EXTL1: variants seen among roughly 807,000 people sequenced by gnomAD.
EXTL1 encodes the protein exostosin like glycosyltransferase 1.
A neutral mutation model predicts 64.6 loss-of-function variants in EXTL1; 43 were observed. The ratio of observed to expected loss-of-function variants is 0.67; its 90% CI spans 0.52 to 0.86. The LOEUF (loss-of-function observed/expected upper bound fraction) is 0.86, where lower values mean the gene tolerates loss of function less well. Among genes scored for constraint, EXTL1 ranks in the 40% least tolerant of loss-of-function variants. The pLI, the probability that EXTL1 is intolerant of heterozygous loss-of-function variation, is 0.00. For synonymous variants in EXTL1, 352 were observed against 360.5 expected, an observed-to-expected ratio of 0.98 and a Z score of 0.27; for missense variants, 766 against 879.0, an observed-to-expected ratio of 0.87 and a Z score of 1.62.
Position 26,033,956 on chromosome 1 carries a change from GGT to G in EXTL1, c.1679+101_1679+102del. The G allele has an allele frequency of 9.1e-7, 1 of 1,093,118 alleles. No homozygotes were observed. The highest frequency in any genetic ancestry group is 2.0e-5 in the South Asian group (1 of 49,470). The allele number at this position is 1,093,118 out of a possible 1,614,324, so 67.7% of individuals were successfully genotyped here. ...GAGTGGCCTAGACCCCAGGGATCCA[GGT>G]TCAAGGCCGAGATCTGCCACTTCCC... On this transcript the variant is annotated intron_variant, in intron 9 of 10. Transcript: ENST00000374280. This position sits in a 1 kb window ranked among gnomAD's most constrained non-coding sequence, Gnocchi z 5.1.
chr1:26,031,074 G>A (rs1338603775), intron 4 of EXTL1, 58 bp from the exon 5 acceptor site: 1 of 1,608,946 alleles, frequency 6.2e-7, no homozygotes, highest in Non-Finnish European at 8.5e-7. Context: ...CCTGGAAGGG[G>A]AGGTGTGGCC....
At chr1:26,031,628 C>T in intron 6 of EXTL1, 62 bp downstream of exon 6, 1 of 1,029,578 alleles carries the variant, frequency 9.7e-7, no homozygotes. Context: ...CAGGGCAGGG[C>T]CCTGATGACT....
chr1:26,031,364 A>G (rs2802321), intron 5 of EXTL1, 96 bp from the exon 6 acceptor site: 1,474,225 of 1,481,602 alleles, frequency 1, 733,695 homozygotes, highest in East Asian at 1. Context: ...TCCAAGCCCT[A>G]ACATTTTTCC....
intron 5 of EXTL1, 63 bp from the exon 6 acceptor site, chr1:26,031,397 C>G: frequency 7.3e-7 from 1 of 1,364,836 alleles, no homozygotes; most frequent in South Asian, 1.3e-5. Flanking sequence ...ATTCCCTACT[C>G]AGGTCATTCT....
chr1:26,033,370 C>T lies in EXTL1; in HGVS notation c.1518+55C>T. 6.8e-7 allele frequency: 1 copy of T among 1,463,960 alleles called. No homozygotes were observed. The highest frequency in any genetic ancestry group is 9.6e-7 in the Non-Finnish European group (1 of 1,044,194). The allele number at this position is 1,463,960 out of a possible 1,614,324, so 90.7% of individuals were successfully genotyped here. ...GTGGGTAGACACAGAGCCAGAGGGC[C>T]CTGGCAGCCCCTCAGGTTCCCAGGG... On this transcript the variant is annotated intron_variant, in intron 8 of 10. Transcript: ENST00000374280. The surrounding 1 kb of genome is among the most constrained non-coding windows in gnomAD (Gnocchi z 5.1).
At chr1:26,024,856 T>C (rs2050197831) in intron 1 of EXTL1, among the ~76,000 whole-genome samples, 1 of 152,210 alleles carries the variant, frequency 6.6e-6, no homozygotes, top group South Asian at 2.1e-4. Context: ...AGTTCATTAT[T>C]GATGAACCTG....
In EXTL1 at chr1:26,033,139, G is replaced by A. The variant is rs570757870; in HGVS notation, c.1432-90G>A. Reference sequence around the variant, plus strand: ...GGGAGGCTTTATTCATGGCTCAGGCGTCTACACTGTGCCTGAATGGCTCCT... The same window carrying A: ...GGGAGGCTTTATTCATGGCTCAGGCATCTACACTGTGCCTGAATGGCTCCT... On this transcript the variant is annotated intron_variant, in intron 7 of 10. Transcript: ENST00000374280. This position sits in a 1 kb window ranked among gnomAD's most constrained non-coding sequence, Gnocchi z 5.1. 810 of 914,870 alleles carry A rather than the reference G, an allele frequency of 8.9e-4. 11 individuals carry two copies. Among genetic ancestry groups the A allele is most frequent in the South Asian group, 8.6e-3 (647 of 75,218 alleles). The allele number at this position is 914,870 out of a possible 1,614,324, so 56.7% of individuals were successfully genotyped here.
In EXTL1 at chr1:26,031,530, C is replaced by T. The variant is rs2050286873; in HGVS notation, c.1305C>T (p.Leu435=). The change falls in exon 6 of 11, where the codon CTC becomes CTT. Residue 435 remains leucine, a synonymous_variant. Transcript: ENST00000374280. ...CCCCAGGCCAGCCCCCTCTGAAGCT[C>T]ATCCAGGCGGTGGCAGGCTCCCAGC... ...VGPPGQPPLK[L]IQAVAGSQHC... 1.2e-6 allele frequency: 2 copies of T among 1,601,716 alleles called. No individual in the cohort carries two copies. The highest frequency in any genetic ancestry group is 3.4e-5 in the Admixed American group (2 of 58,676).
chr1:26,035,206 A>G lies in EXTL1; in HGVS notation c.1890A>G (p.Pro630=). 1 of 1,612,126 alleles carries G rather than the reference A, an allele frequency of 6.2e-7. No homozygotes were observed. ...GPGPRPKPPA[P]APDCINQIAA... ...GGCCCAGGCCAAAGCCGCCTGCCCCAGCCCCCGACTGCATCAACCAGATAG... is the reference window on the plus strand; with the variant it reads ...GGCCCAGGCCAAAGCCGCCTGCCCCGGCCCCCGACTGCATCAACCAGATAG... Residue 630 remains proline (P), a synonymous_variant, in exon 11 of 11, where the codon CCA becomes CCG. Transcript: ENST00000374280. The surrounding 1 kb of genome is among the most constrained non-coding windows in gnomAD (Gnocchi z 5.3).
rs111621663 is a variant in EXTL1, at chr1:26,032,845, G to A, written c.1431+360G>A. Among the ~76,000 whole-genome samples, 47 of 152,268 alleles carry A rather than the reference G, an allele frequency of 3.1e-4. 1 individual carries two copies. Among genetic ancestry groups the A allele is most frequent in the African/African-American group, 9.4e-4 (39 of 41,564 alleles). ...GGTTGGTGTGAACCACCTGCCTGCC[G>A]CATGGTTGTGGGCAAGTCCCTTCGT... On this transcript the variant is annotated intron_variant, in intron 7 of 10. Transcript: ENST00000374280.
At position 26,025,515 on chromosome 1, in the gene EXTL1, T is replaced by C. The variant is rs1466685655; in HGVS notation, c.779+2090T>C. Among the ~76,000 whole-genome samples the C allele has an allele frequency of 6.6e-6, 1 of 152,194 alleles. No individual in the cohort carries two copies. Among genetic ancestry groups the C allele is most frequent in the African/African-American group, 2.4e-5 (1 of 41,448 alleles). On this transcript the variant is annotated intron_variant, in intron 1 of 10. Coordinates refer to ENST00000374280, the MANE Select transcript of EXTL1 (RefSeq NM_004455.3). The surrounding 1 kb of genome is among the most constrained non-coding windows in gnomAD (Gnocchi z 5.3). ...GCCCCTCACTTTTCTAATCAGGCGC[T>C]TGGAAGCAGTGGAGTTGGGATTCAA...
chr1:26,023,683 T>G (rs1264624220), intron 1 of EXTL1, among the ~76,000 whole-genome samples: 1 of 152,228 alleles, frequency 6.6e-6, no homozygotes, highest in Non-Finnish European at 1.5e-5. Context: ...AAAACACGAC[T>G]CATTCCAAAC....
chr1:26,030,501 C>A lies in EXTL1; in HGVS notation c.1007C>A (p.Ser336Tyr). 1.9e-6 allele frequency: 3 copies of A among 1,613,132 alleles called. No individual in the cohort carries two copies. Among genetic ancestry groups the A allele is most frequent in the Non-Finnish European group, 1.7e-6 (2 of 1,179,922 alleles). Reference protein sequence around the residue: ...LQVLAALQEMSPARVLALRQQ... With the variant: ...LQVLAALQEMYPARVLALRQQ... Reference sequence around the variant, plus strand: ...GTCCTGGCTGCCCTCCAGGAGATGTCCCCTGCACGGGTCCTCGCCCTGCGT... The same window carrying A: ...GTCCTGGCTGCCCTCCAGGAGATGTACCCTGCACGGGTCCTCGCCCTGCGT... The change falls in exon 4 of 11, where the codon TCC becomes TAC. Residue 336 changes from serine to tyrosine, a missense_variant. Physicochemically the swap from Ser to Tyr is moderately radical, Grantham distance 144 (BLOSUM62 -2). This residue lies in a region of EXTL1 where 571 missense variants were observed against 647.6 expected (regional missense o/e 0.88). Transcript: ENST00000374280.
rs766406960 is a variant in EXTL1, at chr1:26,034,851, C to T, written c.1695C>T (p.Leu565=). Residue 565 remains leucine (L), a synonymous_variant, in exon 10 of 11, where the codon CTC becomes CTT. Coordinates refer to ENST00000374280, the MANE Select transcript of EXTL1 (RefSeq NM_004455.3). The surrounding 1 kb of genome is among the most constrained non-coding windows in gnomAD (Gnocchi z 4.6). ...TCTTGCCCAGGTATTACCACACTCTCTTCACCCACTCCCTGCCCAAGGCTC... is the reference window on the plus strand; with the variant it reads ...TCTTGCCCAGGTATTACCACACTCTTTTCACCCACTCCCTGCCCAAGGCTC... ...AAFYHRYYHT[L]FTHSLPKALR... The T allele has an allele frequency of 9.3e-6, 15 of 1,614,034 alleles. No homozygotes were observed. The highest frequency in any genetic ancestry group is 1.6e-4 in the Middle Eastern group (1 of 6,062).
rs2050268071 is a variant in EXTL1, at chr1:26,030,329, T to TC, written c.982-146dup. ...CAACTCTGTGTGACCCCTGAATGCT[T>TC]CTTTTTTTTTTTTTTTTTTTTGAGA... is the stretch of plus-strand genomic sequence containing the variant. On this transcript the variant is annotated intron_variant, in intron 3 of 10. Coordinates refer to ENST00000374280, the MANE Select transcript of EXTL1 (RefSeq NM_004455.3). 1.9e-5 allele frequency: 13 copies of TC among 699,566 alleles called. No individual in the cohort carries two copies. The South Asian group carries it at 3.0e-4, about 16-fold the overall frequency. 43.3% of individuals were successfully genotyped at this position (699,566 alleles called of 1,614,324 possible). A position where few individuals can be genotyped will look rare whatever the true frequency, so the allele number is the denominator to read the frequency against.
In EXTL1 at chr1:26,027,908, G is replaced by A. The variant is rs150733040; in HGVS notation, c.780-1285G>A. ...ACAAGGCAGGGAGGGGCCCTCCAACGTGAGGGAGAAGGGATCTTAAAGGCA... is the reference window on the plus strand; with the variant it reads ...ACAAGGCAGGGAGGGGCCCTCCAACATGAGGGAGAAGGGATCTTAAAGGCA... On this transcript the variant is annotated intron_variant, in intron 1 of 10. Transcript: ENST00000374280. Among the ~76,000 whole-genome samples, 245 of 152,274 alleles carry A rather than the reference G, an allele frequency of 1.6e-3. 1 individual carries two copies. The highest frequency in any genetic ancestry group is 6.8e-3 in the Middle Eastern group (2 of 294).
Position 26,032,440 on chromosome 1 carries a change from G to T in EXTL1, c.1386G>T (p.Trp462Cys). The T allele has an allele frequency of 6.4e-7, 1 of 1,555,178 alleles. No homozygotes were observed. Among genetic ancestry groups the T allele is most frequent in the Non-Finnish European group, 8.7e-7 (1 of 1,148,858 alleles). The change falls in exon 7 of 11, where the codon TGG (tryptophan) becomes TGT (cysteine). Residue 462 changes from tryptophan (W) to cysteine (C), a missense_variant. Transcript: ENST00000374280. ...WSNERPLPSR[W>C]PETAVPLTVI... ...ATGAGAGGCCACTCCCATCCAGGTG[G>T]CCGGAGACAGCTGTGCCCTTGACAG...
In EXTL1 at chr1:26,033,842, C is replaced by T. The variant is rs377261722; in HGVS notation, c.1665C>T (p.Ala555=). ...AATTCTCCATGGTTCTCACCACAGC[C>T]GCCTTCTACCATAGGTACAGACCCC... is the stretch of plus-strand genomic sequence containing the variant. ...TNEFSMVLTT[A]AFYHRYYHTL... is the part of the protein sequence containing the mutation. Residue 555 remains alanine, a synonymous_variant, in exon 9 of 11, where the codon GCC becomes GCT. Coordinates refer to ENST00000374280, the MANE Select transcript of EXTL1 (RefSeq NM_004455.3). The surrounding 1 kb of genome is among the most constrained non-coding windows in gnomAD (Gnocchi z 5.1). 35 of 1,613,768 alleles carry T rather than the reference C, an allele frequency of 2.2e-5. No individual in the cohort carries two copies. In the Middle Eastern group the frequency reaches 5.0e-4, roughly 23 times the overall value.
Position 26,034,932 on chromosome 1 carries a change from A to T in EXTL1, c.1776A>T (p.Ile592=), listed in dbSNP as rs1444833234. 2 of 1,614,200 alleles carry T rather than the reference A, an allele frequency of 1.2e-6. No homozygotes were observed. Among genetic ancestry groups the T allele is most frequent in the Non-Finnish European group, 1.7e-6 (2 of 1,180,020 alleles). Residue 592 remains isoleucine, a synonymous_variant, in exon 10 of 11, where the codon ATA becomes ATT. Coordinates refer to ENST00000374280, the MANE Select transcript of EXTL1 (RefSeq NM_004455.3). This position sits in a 1 kb window ranked among gnomAD's most constrained non-coding sequence, Gnocchi z 4.6. ...PTCVDVLMNF[I]VAAVTKLPPI... ...GTGTGGACGTCCTGATGAATTTCATAGTAGCAGCAGTCACCAAGCTGCCCC... is the reference window on the plus strand; with the variant it reads ...GTGTGGACGTCCTGATGAATTTCATTGTAGCAGCAGTCACCAAGCTGCCCC...
Sources: gnomAD v4.1 joint callset for allele counts (sites outside exome capture counted in the v4.1 genomes callset) on GRCh38, gnomAD v4.1.1 for gene constraint, gnomAD v4.1.1 regional missense constraint, Gnocchi (gnomAD v3.1) non-coding constraint, MANE v1.5 for transcripts, NCBI Gene and HGNC (gene_info 2026-07-23, HGNC 2026-07-21) for gene names.